The following USP24 variants were observed in gnomAD, a reference collection of about 807,000 sequenced individuals.
The protein encoded by USP24 is ubiquitin carboxyl-terminal hydrolase 24.
In USP24, 97 loss-of-function variants were observed where a neutral mutation model predicts 361.6. The observed-to-expected ratio is 0.27, with a 90% CI of 0.23 to 0.32. The LOEUF is 0.32. Ranked by LOEUF, USP24 falls within the 10% of genes least tolerant of loss-of-function variation. The pLI is 1.00. For missense variants in USP24, 2,353 were observed against 3,165.6 expected, an observed-to-expected ratio of 0.74 and a Z score of 6.16; for synonymous variants, 1,098 against 1,124.6, an observed-to-expected ratio of 0.98 and a Z score of 0.47.
At chr1:55,126,347 C>T (rs867589760) in intron 32 of USP24, among the ~76,000 whole-genome samples, 2 of 152,156 alleles carry the variant, frequency 1.3e-5, no homozygotes, top group Non-Finnish European at 2.9e-5. Flanking sequence ...TAGATGTCAC[C>T]CCAGCGAAGC....
At chr1:55,177,107 A>AC in intron 2 of USP24, among the ~76,000 whole-genome samples, 1 of 148,826 alleles carries the variant, frequency 6.7e-6, no homozygotes, top group South Asian at 2.1e-4. Context: ...AAAAAAAAAA[A>AC]CAACAAAAAC....
At chr1:55,178,774 C>T (rs1378244173) in intron 1 of USP24, among the ~76,000 whole-genome samples, 1 of 151,974 alleles carries the variant, frequency 6.6e-6, no homozygotes, top group East Asian at 1.9e-4. Context: ...GCCTGTAACC[C>T]TAGCACTTTG....
chr1:55,203,296 G>T (rs1038260391), intron 1 of USP24, among the ~76,000 whole-genome samples: 6 of 152,186 alleles, frequency 3.9e-5, no homozygotes, highest in Non-Finnish European at 8.8e-5. Flanking sequence ...CAGGTCAGAA[G>T]AACACTATGG....
chr1:55,176,447 A>G lies in USP24; in HGVS notation c.491-4T>C, dbSNP rs1449798123. On this transcript the variant is annotated splice_region_variant and splice_polypyrimidine_tract_variant and intron_variant, in intron 2 of 67. Transcript: ENST00000294383. ...TTCTCATCAGACTCGGAAAGACCTT[A>G]GTAAAATGCATGAAATAATATACTT... 6.4e-7 allele frequency: 1 copy of G among 1,563,782 alleles called. No homozygotes were observed.
chr1:55,175,504 G>A (rs1649889176), intron 3 of USP24, among the ~76,000 whole-genome samples: 1 of 152,038 alleles, frequency 6.6e-6, no homozygotes, highest in Non-Finnish European at 1.5e-5. Flanking sequence ...GGGATTACAG[G>A]CGTGAGCAAT....
chr1:55,200,855 G>A (rs1217001904), intron 1 of USP24, among the ~76,000 whole-genome samples: 1 of 152,122 alleles, frequency 6.6e-6, no homozygotes, highest in African/African-American at 2.4e-5. Flanking sequence ...GGCTTAAAAA[G>A]GGTTTGTTTC....
At chr1:55,127,564 G>C (rs1646470014) in intron 32 of USP24, among the ~76,000 whole-genome samples, 1 of 152,124 alleles carries the variant, frequency 6.6e-6, no homozygotes, top group Non-Finnish European at 1.5e-5. Flanking sequence ...ATGATTTATA[G>C]TCCTTTGGGT....
intron 36 of USP24, among the ~76,000 whole-genome samples, chr1:55,122,326 G>A (rs1390637560): frequency 6.6e-6 from 1 of 152,120 alleles, no homozygotes; most frequent in East Asian, 1.9e-4. Context: ...CTGGCTGCTG[G>A]GGGAACAGCA....
intron 17 of USP24, 102 bp downstream of exon 17, chr1:55,148,361 A>G: frequency 1.6e-6 from 1 of 624,244 alleles, no homozygotes; most frequent in South Asian, 2.2e-5. Context: ...TACATCAATA[A>G]ACATAAAGAT....
At chr1:55,127,948 T>C (rs1393562878) in intron 32 of USP24, among the ~76,000 whole-genome samples, 1 of 152,164 alleles carries the variant, frequency 6.6e-6, no homozygotes, top group Non-Finnish European at 1.5e-5. Flanking sequence ...CTGGATTATG[T>C]CCTCATGGTT....
At chr1:55,124,846 G>A (rs765976373) in intron 34 of USP24, among the ~76,000 whole-genome samples, 4 of 151,948 alleles carry the variant, frequency 2.6e-5, no homozygotes, top group East Asian at 1.9e-4. Context: ...TTCAAAATAC[G>A]CTTTACCAAT....
chr1:55,081,323 A>G lies in USP24; in HGVS notation c.7077T>C (p.Val2359=). The change falls in exon 59 of 68, where the codon GTT becomes GTC. Residue 2359 remains valine, a splice_region_variant and synonymous_variant. Transcript: ENST00000294383. ...CATTCTAAGATATGTTAAGCTTACC[A>G]ACATTCCTTTGGGATGAGACATCTG... ...LHSDVSSQRN[V]APGIFKQRPP... The G allele has an allele frequency of 1.2e-6, 2 of 1,613,464 alleles. No individual in the cohort carries two copies. The highest frequency in any genetic ancestry group is 1.7e-6 in the Non-Finnish European group (2 of 1,179,528).
At chr1:55,195,594 T>C (rs893218802) in intron 1 of USP24, among the ~76,000 whole-genome samples, 2 of 152,128 alleles carry the variant, frequency 1.3e-5, no homozygotes, top group African/African-American at 4.8e-5. Context: ...CGAAAGTACA[T>C]AAGGAGGCCC....
chr1:55,101,646 C>T lies in USP24; in HGVS notation c.5083G>A (p.Gly1695Ser). 6.2e-7 allele frequency: 1 copy of T among 1,613,350 alleles called. No homozygotes were observed. The highest frequency in any genetic ancestry group is 8.5e-7 in the Non-Finnish European group (1 of 1,179,672). Residue 1695 changes from glycine to serine, a missense_variant, in exon 43 of 68, where the codon GGT (glycine) becomes AGT (serine). Physicochemically the swap from Gly to Ser is moderately conservative, Grantham distance 56. Coordinates refer to ENST00000294383, the MANE Select transcript of USP24 (RefSeq NM_015306.3). ...SSGFVGLRNG[G>S]ATCYMNAVFQ... ...ACTGCATTCATATAACAAGTTGCAC[C>T]ACCATTTCTCAGCCCCACAAACCCT...
intron 1 of USP24, among the ~76,000 whole-genome samples, chr1:55,200,670 AAAC>A (rs1440651137): frequency 1.3e-5 from 2 of 152,352 alleles, no homozygotes; most frequent in Non-Finnish European, 2.9e-5. Context: ...TCTGAAACAA[AAAC>A]AACACTAAAA....
Position 55,159,578 on chromosome 1 carries a change from A to G in USP24, c.1068+33T>C. On this transcript the variant is annotated intron_variant, in intron 9 of 67. Transcript: ENST00000294383. ...GCTCTGCTTCTGTGAACTAACTGGC[A>G]CTGGGGCCTATCTGGCTGGAGAAGG... 1.9e-6 allele frequency: 3 copies of G among 1,542,324 alleles called. No homozygotes were observed. The South Asian group carries it at 3.6e-5, about 18-fold the overall frequency.
At chr1:55,088,696 A>G (rs560815606) in intron 55 of USP24, among the ~76,000 whole-genome samples, 1 of 152,254 alleles carries the variant, frequency 6.6e-6, no homozygotes, top group Admixed American at 6.5e-5. Context: ...TGGGGAATAG[A>G]GGAGACAGGA....
intron 23 of USP24, 65 bp from the exon 24 acceptor site, chr1:55,141,796 G>C: frequency 2.1e-6 from 3 of 1,447,894 alleles, no homozygotes; most frequent in Non-Finnish European, 2.9e-6. Context: ...TGACATTCTG[G>C]ACAGGATAAT....
intron 23 of USP24, 81 bp from the exon 24 acceptor site, chr1:55,141,812 G>C (rs911355856): frequency 3.9e-6 from 5 of 1,292,182 alleles, no homozygotes; most frequent in Non-Finnish European, 5.5e-6. Flanking sequence ...ATAATTTGCT[G>C]TTGCAGAGGG....
Sources: gnomAD v4.1 joint callset for allele counts (sites outside exome capture counted in the v4.1 genomes callset) on GRCh38, gnomAD v4.1.1 for gene constraint, MANE v1.5 for transcripts, NCBI Gene and HGNC (gene_info 2026-07-23, HGNC 2026-07-21) for gene names.